The following KCNH8 variants were observed in gnomAD, a reference collection of about 807,000 sequenced individuals.
KCNH8 encodes potassium voltage-gated channel subfamily H member 8, also known as voltage-gated delayed rectifier potassium channel KCNH8.
A neutral mutation model predicts 103.6 loss-of-function variants in KCNH8; 70 were observed. The ratio of observed to expected loss-of-function variants is 0.68; its 90% CI spans 0.56 to 0.82. KCNH8 has a LOEUF of 0.82. Among genes scored for constraint, KCNH8 ranks in the 40% least tolerant of loss-of-function variants. The probability of loss-of-function intolerance (pLI) is 0.00; values close to 1 mark genes in which losing one functional copy is unlikely to be tolerated. For missense variants in KCNH8, 1,217 were observed against 1,329.9 expected (o/e 0.92, Z 1.32); for synonymous variants, 498 against 489.4 (o/e 1.02, Z -0.23).
At chr3:19,190,554 A>C (rs578229396) in intron 1 of KCNH8, among the ~76,000 whole-genome samples, 5 of 152,108 alleles carry the variant, frequency 3.3e-5, no homozygotes, top group South Asian at 2.1e-4. Context: ...CTTTGACGGA[A>C]TATTTTTCCT....
intron 5 of KCNH8, among the ~76,000 whole-genome samples, chr3:19,372,271 A>T (rs1365715888): frequency 6.7e-6 from 1 of 149,870 alleles, no homozygotes; most frequent in African/African-American, 2.5e-5. Flanking sequence ...ATTTGTTTGT[A>T]TCCTCTTTTA....
At chr3:19,279,219 TA>T (rs1211894205) in intron 2 of KCNH8, among the ~76,000 whole-genome samples, 1 of 152,110 alleles carries the variant, frequency 6.6e-6, no homozygotes, top group African/African-American at 2.4e-5. Flanking sequence ...TGACCATAGA[TA>T]AAATTTCAAT....
At position 19,483,912 on chromosome 3, in the gene KCNH8, A is replaced by T. The variant is rs932266373; in HGVS notation, c.2041-26451A>T. ...GTGGACTGGATCATTTTTATTTTTT[A>T]TTCAAATGGCCTAAATGACACAAGA... On this transcript the variant is annotated intron_variant, in intron 11 of 15. Coordinates refer to ENST00000328405, the MANE Select transcript of KCNH8 (RefSeq NM_144633.3). 5.3e-5 allele frequency among the ~76,000 whole-genome samples: 8 copies of T among 151,664 alleles called. No homozygotes were observed. In the South Asian group the frequency reaches 1.2e-3, roughly 24 times the overall value.
At chr3:19,524,977 G>T (rs1346598255) in intron 15 of KCNH8, among the ~76,000 whole-genome samples, 2 of 151,766 alleles carry the variant, frequency 1.3e-5, no homozygotes, top group African/African-American at 2.4e-5. Context: ...GGGTGGAAAA[G>T]GTCGGTTGTC....
intron 1 of KCNH8, among the ~76,000 whole-genome samples, chr3:19,239,545 A>G (rs1221487991): frequency 1.3e-5 from 2 of 152,210 alleles, no homozygotes; most frequent in Non-Finnish European, 2.9e-5. Context: ...TGGCTATGCT[A>G]TGATAATATT....
chr3:19,335,355 A>G (rs2065568220), intron 3 of KCNH8, among the ~76,000 whole-genome samples: 1 of 151,432 alleles, frequency 6.6e-6, no homozygotes, highest in Non-Finnish European at 1.5e-5. Context: ...CTTTTAGTGT[A>G]CTTCTATATT....
At chr3:19,392,586 GAAAC>G (rs2066455330) in intron 6 of KCNH8, among the ~76,000 whole-genome samples, 1 of 151,900 alleles carries the variant, frequency 6.6e-6, no homozygotes, top group African/African-American at 2.4e-5. Context: ...CTTAGAAAAA[GAAAC>G]AAATAACCAA....
intron 7 of KCNH8, among the ~76,000 whole-genome samples, chr3:19,396,965 G>T (rs759700223): frequency 6.6e-6 from 1 of 151,764 alleles, no homozygotes; most frequent in Non-Finnish European, 1.5e-5. Context: ...TGTAAGTCTC[G>T]TCTGGTCTGA....
chr3:19,292,608 G>T (rs555710819), intron 3 of KCNH8, among the ~76,000 whole-genome samples: 54 of 152,274 alleles, frequency 3.5e-4, no homozygotes, highest in African/African-American at 1.2e-3. Flanking sequence ...ATTTCAAAGA[G>T]CATGGGACTG....
rs1418519680 is a variant in KCNH8 at position 19,342,649 on chromosome 3, G to T, written c.505G>T (p.Ala169Ser). 1 of 1,611,124 alleles carries T rather than the reference G, an allele frequency of 6.2e-7. No homozygotes were observed. Among genetic ancestry groups the T allele is most frequent in the Admixed American group, 1.7e-5 (1 of 59,834 alleles). Residue 169 changes from alanine (A) to serine (S), a missense_variant, in exon 4 of 16, where the codon GCA becomes TCA. Ala to Ser is a moderately conservative substitution (Grantham distance 99). Around this residue, in one of 3 missense-constraint regions of KCNH8, gnomAD observed 244 missense variants for 256.8 expected, o/e 0.95. Coordinates refer to ENST00000328405, the MANE Select transcript of KCNH8 (RefSeq NM_144633.3). ...TGACTCAGCCCGGAGACGGAGTCGAGCAGTCCTTTATCACATCTCTGGGCA... is the reference window on the plus strand; with the variant it reads ...TGACTCAGCCCGGAGACGGAGTCGATCAGTCCTTTATCACATCTCTGGGCA... ...HFDSARRRSRAVLYHISGHLQ... is the reference protein window; with the variant it reads ...HFDSARRRSRSVLYHISGHLQ...
chr3:19,232,394 C>T (rs1302364891), intron 1 of KCNH8, among the ~76,000 whole-genome samples: 9 of 152,142 alleles, frequency 5.9e-5, no homozygotes, highest in Non-Finnish European at 1.0e-4. Context: ...TACAAGAAAA[C>T]CAAGGATCCA....
chr3:19,217,701 G>A (rs1383723390), intron 1 of KCNH8, among the ~76,000 whole-genome samples: 1 of 152,164 alleles, frequency 6.6e-6, no homozygotes, highest in African/African-American at 2.4e-5. Flanking sequence ...TTCTAATCCA[G>A]GCAGGCTGGC....
At chr3:19,374,166 T>G (rs1337729931) in intron 5 of KCNH8, among the ~76,000 whole-genome samples, 1 of 150,770 alleles carries the variant, frequency 6.6e-6, no homozygotes, top group Non-Finnish European at 1.5e-5. Context: ...GGTATCCTTG[T>G]TGACTTTCTG....
At chr3:19,174,992 A>T (rs2063383637) in intron 1 of KCNH8, among the ~76,000 whole-genome samples, 1 of 152,146 alleles carries the variant, frequency 6.6e-6, no homozygotes, top group Non-Finnish European at 1.5e-5. Context: ...AATTAGTCAG[A>T]ATATGAAGTA....
chr3:19,349,011 C>CT (rs2125320910), intron 5 of KCNH8, among the ~76,000 whole-genome samples: 1 of 151,712 alleles, frequency 6.6e-6, no homozygotes, highest in African/African-American at 2.4e-5. Flanking sequence ...TTTGTGTGCT[C>CT]TTGGTATGGC....
chr3:19,198,754 C>G (rs1344339293), intron 1 of KCNH8, among the ~76,000 whole-genome samples: 1 of 152,022 alleles, frequency 6.6e-6, no homozygotes, highest in Non-Finnish European at 1.5e-5. Context: ...TTTCTTAACA[C>G]AAAGGAATGC....
intron 4 of KCNH8, among the ~76,000 whole-genome samples, chr3:19,344,154 G>C (rs1204935103): frequency 6.6e-6 from 1 of 151,982 alleles, no homozygotes; most frequent in African/African-American, 2.4e-5. Context: ...CAGTTACCAA[G>C]TCAGCCTTAG....
intron 1 of KCNH8, among the ~76,000 whole-genome samples, chr3:19,232,978 T>C (rs1053858532): frequency 6.6e-6 from 1 of 152,098 alleles, no homozygotes; most frequent in Non-Finnish European, 1.5e-5. Flanking sequence ...AAGTCCCCTA[T>C]TAGTAGTGCT....
intron 2 of KCNH8, among the ~76,000 whole-genome samples, chr3:19,261,437 G>A (rs1166180272): frequency 6.6e-6 from 1 of 151,646 alleles, no homozygotes; most frequent in Admixed American, 6.6e-5. Context: ...TTTTTTATTT[G>A]TGTTATATGT....
Sources: gnomAD v4.1 joint callset for allele counts (sites outside exome capture counted in the v4.1 genomes callset) on GRCh38, gnomAD v4.1.1 for gene constraint, gnomAD v4.1.1 regional missense constraint, MANE v1.5 for transcripts, NCBI Gene and HGNC (gene_info 2026-07-23, HGNC 2026-07-21) for gene names.